Variants in OXSR1 observed in about 807,000 individuals in gnomAD.
The protein encoded by OXSR1 is oxidative stress responsive kinase 1.
A neutral mutation model predicts 79.8 loss-of-function variants in OXSR1; 24 were observed. The observed-to-expected ratio is 0.30, with a 90% CI of 0.22 to 0.42. The LOEUF (loss-of-function observed/expected upper bound fraction) is 0.42, where lower values mean the gene tolerates loss of function less well. Among genes scored for constraint, OXSR1 ranks in the 10% least tolerant of loss-of-function variants. The pLI is 1.00. For missense variants in OXSR1, 430 were observed against 618.4 expected (o/e 0.70, Z 3.23); for synonymous variants, 226 against 209.2 (o/e 1.08, Z -0.69).
intron 1 of OXSR1, among the ~76,000 whole-genome samples, chr3:38,174,977 G>A (rs998431943): frequency 5.3e-5 from 8 of 152,234 alleles, no homozygotes; most frequent in African/African-American, 1.9e-4. Context: ...TTATGATGAT[G>A]ACTATTCTTA....
At chr3:38,166,218 A>G (rs1701452239) in intron 1 of OXSR1, among the ~76,000 whole-genome samples, 2 of 152,290 alleles carry the variant, frequency 1.3e-5, no homozygotes, top group South Asian at 4.1e-4. Flanking sequence ...ATGTGTGGAC[A>G]GGAGCGGCCC....
intron 8 of OXSR1, among the ~76,000 whole-genome samples, chr3:38,227,376 A>C (rs1370365601): frequency 1.3e-5 from 2 of 152,190 alleles, no homozygotes; most frequent in Non-Finnish European, 2.9e-5. Context: ...TGGAATCAGA[A>C]TTCTGACCCA....
In OXSR1 at chr3:38,165,860, G is replaced by A; in HGVS notation, c.-17G>A. The A allele has an allele frequency of 6.2e-7, 1 of 1,606,310 alleles. No homozygotes were observed. Among genetic ancestry groups the A allele is most frequent in the Non-Finnish European group, 8.5e-7 (1 of 1,177,402 alleles). Reference sequence around the variant, plus strand: ...GTCAGCGAGTTTGAGGGAGGACCGCGAGCCGCTGCCGCCGTCATGTCCGAG... The same window carrying A: ...GTCAGCGAGTTTGAGGGAGGACCGCAAGCCGCTGCCGCCGTCATGTCCGAG... On this transcript the variant is annotated 5_prime_UTR_variant, in exon 1 of 18. Transcript: ENST00000311806.
intron 1 of OXSR1, 149 bp from the exon 2 acceptor site, chr3:38,182,854 A>C (rs1184063590): frequency 2.2e-6 from 1 of 458,464 alleles, no homozygotes; most frequent in East Asian, 3.6e-5. Context: ...TTTTGTTTTA[A>C]CTGACACTCT....
intron 4 of OXSR1, among the ~76,000 whole-genome samples, chr3:38,203,077 C>T (rs1463524217): frequency 3.9e-5 from 6 of 152,242 alleles, no homozygotes; most frequent in African/African-American, 1.4e-4. Flanking sequence ...TTCCGTGTTC[C>T]TCCCGTACCC....
chr3:38,214,655 G>T (rs1381841175), intron 4 of OXSR1, among the ~76,000 whole-genome samples: 1 of 152,204 alleles, frequency 6.6e-6, no homozygotes, highest in African/African-American at 2.4e-5. Context: ...GAGTAAAGCA[G>T]GCTGGCCTGC....
chr3:38,221,215 A>C (rs1279414862), intron 5 of OXSR1, among the ~76,000 whole-genome samples: 2 of 152,020 alleles, frequency 1.3e-5, no homozygotes, highest in Non-Finnish European at 2.9e-5. Flanking sequence ...CAAGGGGGAA[A>C]ATCTGAGAAG....
chr3:38,246,635 A>G (rs1703147565), intron 13 of OXSR1, among the ~76,000 whole-genome samples: 1 of 151,688 alleles, frequency 6.6e-6, no homozygotes, highest in Non-Finnish European at 1.5e-5. Context: ...TTTCTCTATT[A>G]CTCTTTTTAA....
At chr3:38,206,498 TAAAAAAA>T (rs1175334961) in intron 4 of OXSR1, among the ~76,000 whole-genome samples, 1 of 136,324 alleles carries the variant, frequency 7.3e-6, no homozygotes, top group African/African-American at 2.7e-5. Context: ...ATTGCATTCT[TAAAAAAA>T]AAAAAAAAAG....
At chr3:38,173,180 T>C (rs1387679080) in intron 1 of OXSR1, among the ~76,000 whole-genome samples, 1 of 152,216 alleles carries the variant, frequency 6.6e-6, no homozygotes, top group East Asian at 1.9e-4. Context: ...CTGGACACAT[T>C]ATTACTTCAA....
At chr3:38,205,394 A>G (rs895883087) in intron 4 of OXSR1, among the ~76,000 whole-genome samples, 1 of 152,066 alleles carries the variant, frequency 6.6e-6, no homozygotes, top group Non-Finnish European at 1.5e-5. Context: ...AGAAATGAAC[A>G]TTTTCTAAGT....
chr3:38,202,627 A>G (rs1261552851), intron 4 of OXSR1, among the ~76,000 whole-genome samples: 3 of 152,262 alleles, frequency 2.0e-5, no homozygotes, highest in African/African-American at 7.2e-5. Flanking sequence ...TAGAATAAGA[A>G]TAGTCATAAT....
chr3:38,188,145 TGTA>T (rs1701917777), intron 2 of OXSR1, among the ~76,000 whole-genome samples: 1 of 152,142 alleles, frequency 6.6e-6, no homozygotes, highest in African/African-American at 2.4e-5. Flanking sequence ...GAAAACCCTT[TGTA>T]GTACTCCCCT....
chr3:38,226,556 T>A (rs1702692737), intron 8 of OXSR1, among the ~76,000 whole-genome samples: 1 of 152,008 alleles, frequency 6.6e-6, no homozygotes, highest in South Asian at 2.1e-4. Context: ...ATGACCAAGG[T>A]TAACATCACT....
At chr3:38,247,534 C>G (rs1284555083) in intron 13 of OXSR1, 134 bp from the exon 14 acceptor site, 1 of 604,208 alleles carries the variant, frequency 1.7e-6, no homozygotes, top group Admixed American at 2.6e-5. Flanking sequence ...AGGGAATGTC[C>G]TGGGGATTAG....
At chr3:38,174,601 C>A (rs1280985381) in intron 1 of OXSR1, among the ~76,000 whole-genome samples, 2 of 151,818 alleles carry the variant, frequency 1.3e-5, no homozygotes, top group African/African-American at 4.8e-5. Context: ...CAAACAAACA[C>A]CTCAGGCTGC....
intron 3 of OXSR1, among the ~76,000 whole-genome samples, chr3:38,192,595 G>C (rs1419900764): frequency 6.6e-6 from 1 of 152,098 alleles, no homozygotes; most frequent in African/African-American, 2.4e-5. Context: ...AATTACTTAA[G>C]TGCTTTATCT....
intron 1 of OXSR1, among the ~76,000 whole-genome samples, chr3:38,178,620 A>ATATATATAT (rs1265646743): frequency 2.1e-4 from 20 of 95,104 alleles, no homozygotes; most frequent in African/African-American, 8.4e-4. Flanking sequence ...ATATATATAT[A>ATATATATAT]TTTTTTTTTT....
At chr3:38,238,988 T>TC (rs1298034632) in intron 11 of OXSR1, among the ~76,000 whole-genome samples, 1 of 152,146 alleles carries the variant, frequency 6.6e-6, no homozygotes, top group Non-Finnish European at 1.5e-5. Flanking sequence ...ATTCTTTTTT[T>TC]CTGTCTATTT....
Sources: gnomAD v4.1 joint callset for allele counts (sites outside exome capture counted in the v4.1 genomes callset) on GRCh38, gnomAD v4.1.1 for gene constraint, MANE v1.5 for transcripts, NCBI Gene and HGNC (gene_info 2026-07-23, HGNC 2026-07-21) for gene names.